The following P2RX4 variants were observed in gnomAD, a reference collection of about 807,000 sequenced individuals.
P2RX4 encodes P2X purinoceptor 4.
P2RX4 carries 37 observed loss-of-function variants against 48.0 expected under a neutral mutation model. The ratio of observed to expected loss-of-function variants is 0.77; its 90% CI spans 0.59 to 1.01. P2RX4 has a LOEUF of 1.01. Among genes scored for constraint, P2RX4 ranks in the 50% least tolerant of loss-of-function variants. P2RX4 has a pLI of 0.00. For synonymous variants in P2RX4, 200 were observed against 199.7 expected (o/e 1.00, Z -0.01); for missense variants, 501 against 521.4 (o/e 0.96, Z 0.38).
chr12:121,232,813 G>A lies in P2RX4; in HGVS notation c.1044+137G>A, dbSNP rs1887456712. 1.1e-6 allele frequency: 1 copy of A among 904,342 alleles called. No individual in the cohort carries two copies. The highest frequency in any genetic ancestry group is 1.6e-5 in the African/African-American group (1 of 61,446). 56.0% of individuals were successfully genotyped at this position (904,342 alleles called of 1,614,324 possible). A position where few individuals can be genotyped will look rare whatever the true frequency, so the allele number is the denominator to read the frequency against. On this transcript the variant is annotated intron_variant, in intron 10 of 11. Coordinates refer to ENST00000337233, the MANE Select transcript of P2RX4 (RefSeq NM_002560.3). This position sits in a 1 kb window ranked among gnomAD's most constrained non-coding sequence, Gnocchi z 4.3. ...CCTACCTTCTTTCCCTTGGCCCCCA[G>A]CCCTCCTCCCACCTTCCCTTCTCCA...
Position 121,219,690 on chromosome 12 carries a change from A to G in P2RX4, c.283-2223A>G, listed in dbSNP as rs1886468880. On this transcript the variant is annotated intron_variant, in intron 2 of 11. Transcript: ENST00000337233. Reference sequence around the variant, plus strand: ...AAAGAAAGAATAGATAAATGATAGGATAGGAGAAAGAAAGGGAAAGAAAGA... The same window carrying G: ...AAAGAAAGAATAGATAAATGATAGGGTAGGAGAAAGAAAGGGAAAGAAAGA... Among the ~76,000 whole-genome samples, 2 of 151,960 alleles carry G rather than the reference A, an allele frequency of 1.3e-5. 1 individual carries two copies.
rs558407439 is a variant in P2RX4 at position 121,217,416 on chromosome 12, A to G, written c.282+135A>G. The G allele has an allele frequency of 1.6e-4, 146 of 901,878 alleles. No homozygotes were observed. In the African/African-American group the frequency reaches 2.3e-3, roughly 14 times the overall value. The allele number at this position is 901,878 out of a possible 1,614,324, so 55.9% of individuals were successfully genotyped here. ...AGAATGATTGTTTTAGTCCAAGAAA[A>G]CGGTGCAGCCAGATCTCTTTTCAGC... is the stretch of plus-strand genomic sequence containing the variant. On this transcript the variant is annotated intron_variant, in intron 2 of 11. Transcript: ENST00000337233.
At chr12:121,219,603 GGATGGATGGATGGATA>G (rs1296285340) in intron 2 of P2RX4, among the ~76,000 whole-genome samples, 1 of 114,854 alleles carries the variant, frequency 8.7e-6, no homozygotes, top group Non-Finnish European at 1.9e-5. Context: ...ATGGATGGAT[GGATGGATGGATGGATA>G]GATAGATAGA....
chr12:121,210,322 G>A (rs751889994), intron 1 of P2RX4, 24 bp downstream of exon 1: 9 of 1,494,458 alleles, frequency 6.0e-6, no homozygotes, highest in Non-Finnish European at 6.2e-6. Context: ...CGCGCGGGGG[G>A]CGCGGCGGGT....
At chr12:121,211,359 C>A (rs1256744183) in intron 1 of P2RX4, among the ~76,000 whole-genome samples, 4 of 151,844 alleles carry the variant, frequency 2.6e-5, no homozygotes, top group African/African-American at 7.3e-5. Flanking sequence ...CCCGCCACCA[C>A]GCCCGGCCAA....
Position 121,210,134 on chromosome 12 carries a change from G to A in P2RX4, c.-31G>A. On this transcript the variant is annotated 5_prime_UTR_variant, in exon 1 of 12. Transcript: ENST00000337233. ...CCGAGCGGGGACTGGGACCCAGACC[G>A]ACTAGGGGACTGGGAGCGGGCGGCG... 8.6e-6 allele frequency: 13 copies of A among 1,504,288 alleles called. No homozygotes were observed. Among genetic ancestry groups the A allele is most frequent in the Non-Finnish European group, 1.1e-5 (12 of 1,133,400 alleles). The allele number at this position is 1,504,288 out of a possible 1,614,324, so 93.2% of individuals were successfully genotyped here.
chr12:121,230,976 ATATATAT>A (rs1887312118), intron 8 of P2RX4, among the ~76,000 whole-genome samples: 1 of 128,814 alleles, frequency 7.8e-6, no homozygotes, highest in African/African-American at 3.3e-5. Context: ...GCCATTATAT[ATATATAT>A]TTTTTTTTTT....
chr12:121,232,556 G>A lies in P2RX4; in HGVS notation c.978+49G>A, dbSNP rs1375913669. On this transcript the variant is annotated intron_variant, in intron 9 of 11. Coordinates refer to ENST00000337233, the MANE Select transcript of P2RX4 (RefSeq NM_002560.3). This position sits in a 1 kb window ranked among gnomAD's most constrained non-coding sequence, Gnocchi z 4.3. ...CTCCGTCACTCCCTGCAGGGACAAG[G>A]GGCCTCTCCCTGCCCCTGCAGAAAC... is the stretch of plus-strand genomic sequence containing the variant. 1.2e-6 allele frequency: 2 copies of A among 1,601,810 alleles called. No homozygotes were observed. Among genetic ancestry groups the A allele is most frequent in the African/African-American group, 1.3e-5 (1 of 74,730 alleles).
At position 121,228,849 on chromosome 12, in the gene P2RX4, C is replaced by T; in HGVS notation, c.730C>T (p.Gln244Ter). The T allele has an allele frequency of 6.2e-7, 1 of 1,614,144 alleles. No individual in the cohort carries two copies. The highest frequency in any genetic ancestry group is 8.5e-7 in the Non-Finnish European group (1 of 1,180,038). Residue 244 changes from glutamine to a stop codon, truncating the protein, a stop_gained, in exon 7 of 12, where the codon CAG (glutamine) becomes TAG (stop). Transcript: ENST00000337233. LOFTEE classifies it high-confidence loss of function. ...KIVENAGHSF[Q>*]DMAVEGGIMG... The stretch of plus-strand genomic sequence containing the variant: ...AGTGGAGAACGCAGGACACAGTTTC[C>T]AGGACATGGCCGTGGAGGTGGGTGC...
rs1886879073 is a variant in P2RX4 at position 121,224,845 on chromosome 12, G to C, written c.524+1802G>C. On this transcript the variant is annotated intron_variant, in intron 5 of 11. Coordinates refer to ENST00000337233, the MANE Select transcript of P2RX4 (RefSeq NM_002560.3). ...CACTGAACCTCATCCTGGGTGTGTT[G>C]AGACAGAAGGAAAGGCTGAGAACTG... Among the ~76,000 whole-genome samples, 3 of 151,738 alleles carry C rather than the reference G, an allele frequency of 2.0e-5. No homozygotes were observed. In the East Asian group the frequency reaches 5.8e-4, roughly 29 times the overall value.
intron 5 of P2RX4, among the ~76,000 whole-genome samples, chr12:121,226,860 C>A (rs1887007596): frequency 6.6e-6 from 1 of 152,058 alleles, no homozygotes; most frequent in Non-Finnish European, 1.5e-5. Context: ...TGCCTGTAAT[C>A]CCAGCACTTT....
chr12:121,212,809 TATATATATATA>T (rs1885955204), intron 1 of P2RX4: 5 of 36,072 alleles, frequency 1.4e-4, no homozygotes, highest in Admixed American at 3.3e-4. Context: ...TATATATATA[TATATATATATA>T]TATATTTTTT....
In P2RX4 at chr12:121,228,950, T is replaced by G. The variant is rs774315556; in HGVS notation, c.748-13T>G. On this transcript the variant is annotated splice_polypyrimidine_tract_variant and intron_variant, in intron 7 of 11. Transcript: ENST00000337233. ...GAGGAAAGCCTTGCCGTGTCTCTGC[T>G]GCTCATCCCCAGGGAGGCATCATGG... is the stretch of plus-strand genomic sequence containing the variant. 59 of 1,613,990 alleles carry G rather than the reference T, an allele frequency of 3.7e-5. No homozygotes were observed. The highest frequency in any genetic ancestry group is 4.3e-5 in the Non-Finnish European group (51 of 1,180,024).
At chr12:121,217,025 T>G (rs1340112658) in intron 1 of P2RX4, 109 bp from the exon 2 acceptor site, 3 of 1,096,158 alleles carry the variant, frequency 2.7e-6, no homozygotes, top group African/African-American at 3.1e-5. Flanking sequence ...TAGAAAGTCA[T>G]GTAATTAGTC....
chr12:121,228,449 A>ATG (rs200949744), intron 5 of P2RX4, 84 bp from the exon 6 acceptor site: 55 of 611,672 alleles, frequency 9.0e-5, no homozygotes, highest in South Asian at 2.5e-4. Context: ...ACATATATAT[A>ATG]TGTGTGTATA....
chr12:121,233,074 T>A lies in P2RX4; in HGVS notation c.1122T>A (p.Tyr374Ter). Residue 374 changes from tyrosine to a stop codon, truncating the protein, a stop_gained, in exon 11 of 12, where the codon TAT becomes TAA. Coordinates refer to ENST00000337233, the MANE Select transcript of P2RX4 (RefSeq NM_002560.3). LOFTEE classifies it high-confidence loss of function. ...RLYYREKKYKYVEDYEQGLAS... is the reference protein window; with the variant it reads ...RLYYREKKYK Reference sequence around the variant, plus strand: ...ACTATCGGGAGAAGAAATATAAATATGTGGAAGATTACGAGCAGGTAGGCC... The same window carrying A: ...ACTATCGGGAGAAGAAATATAAATAAGTGGAAGATTACGAGCAGGTAGGCC... 3 of 1,611,876 alleles carry A rather than the reference T, an allele frequency of 1.9e-6. No homozygotes were observed. The highest frequency in any genetic ancestry group is 2.5e-6 in the Non-Finnish European group (3 of 1,178,148).
At chr12:121,231,512 C>T (rs753452142) in intron 8 of P2RX4, among the ~76,000 whole-genome samples, 46 of 152,142 alleles carry the variant, frequency 3.0e-4, no homozygotes, top group Non-Finnish European at 5.7e-4. Flanking sequence ...AGATGTGCCT[C>T]TTCTGAGCAT....
At chr12:121,228,323 A>AT (rs1214274282) in intron 5 of P2RX4, among the ~76,000 whole-genome samples, 1 of 144,292 alleles carries the variant, frequency 6.9e-6, no homozygotes, top group Non-Finnish European at 1.5e-5. Context: ...AGATCGCGCC[A>AT]TTGCACTCAA....
chr12:121,223,114 C>A (rs1022771810), intron 5 of P2RX4, 71 bp downstream of exon 5: 1 of 997,220 alleles, frequency 1.0e-6, no homozygotes, highest in Non-Finnish European at 1.6e-6. Context: ...CACTCTGTAT[C>A]CCAGGTTGGA....
Sources: gnomAD v4.1 joint callset for allele counts (sites outside exome capture counted in the v4.1 genomes callset) on GRCh38, gnomAD v4.1.1 for gene constraint, Gnocchi (gnomAD v3.1) non-coding constraint, MANE v1.5 for transcripts, NCBI Gene and HGNC (gene_info 2026-07-23, HGNC 2026-07-21) for gene names.